Variants in SNRPN observed in about 807,000 individuals in gnomAD.
SNRPN encodes the protein small nuclear ribonucleoprotein polypeptide N, also known as small nuclear ribonucleoprotein-associated protein N.
Under a neutral mutation model 25.2 loss-of-function variants are expected in SNRPN, and 7 were observed. The observed-to-expected ratio is 0.28, with a 90% CI of 0.16 to 0.52. The LOEUF is 0.52. Among genes scored for constraint, SNRPN ranks in the 20% least tolerant of loss-of-function variants. The pLI is 0.96. For synonymous variants in SNRPN, 124 were observed against 110.6 expected, an observed-to-expected ratio of 1.12 and a Z score of -0.76; for missense variants, 196 against 322.5, an observed-to-expected ratio of 0.61 and a Z score of 3.00.
upstream of SNRPN, among the ~76,000 whole-genome samples, chr15:24,855,440 G>A (rs1022065925): frequency 5.3e-5 from 8 of 152,094 alleles, no homozygotes; most frequent in Admixed American, 3.3e-4. Flanking sequence ...CTTACATCAC[G>A]TGTTTTAGAA....
At chr15:24,825,588 T>C (rs569650490) in intron 1 of SNRPN, among the ~76,000 whole-genome samples, 3 of 152,166 alleles carry the variant, frequency 2.0e-5, no homozygotes, top group Middle Eastern at 3.4e-3. Context: ...AATTGAAATA[T>C]CATAAATTGA....
intron 2 of SNRPN, among the ~76,000 whole-genome samples, chr15:24,899,276 T>G (rs1359492550): frequency 2.0e-5 from 3 of 152,226 alleles, no homozygotes; most frequent in African/African-American, 7.2e-5. Context: ...GAAGATATGT[T>G]TTAATTTTTT....
chr15:24,894,375 C>T (rs545939364), intron 2 of SNRPN, among the ~76,000 whole-genome samples: 3 of 152,268 alleles, frequency 2.0e-5, no homozygotes, highest in East Asian at 1.9e-4. Flanking sequence ...CCCGCCACCA[C>T]GCCTGGCTAA....
At chr15:24,848,942 C>G (rs1380003911) in intron 2 of SNRPN, 7 of 151,960 alleles carry the variant, frequency 4.6e-5, no homozygotes, top group African/African-American at 7.3e-5. Flanking sequence ...GAGTCTCGCT[C>G]TGTCACCAGG....
At chr15:24,824,594 G>A (rs17772804) in intron 1 of SNRPN, among the ~76,000 whole-genome samples, 35,945 of 151,936 alleles carry the variant, frequency 0.24, 4,810 homozygotes, top group Non-Finnish European at 0.29. Context: ...CTTGTAGAAA[G>A]GGAATTACAA....
At chr15:24,827,651 G>A (rs1445104828) in intron 1 of SNRPN, among the ~76,000 whole-genome samples, 2 of 151,656 alleles carry the variant, frequency 1.3e-5, no homozygotes, top group Non-Finnish European at 2.9e-5. Context: ...GGAGGATCAC[G>A]AGGTCAGGAG....
rs2059749092 is a variant in SNRPN, at chr15:24,918,624, GTATATATAA to G, written c.-504-1386_-504-1378del. On this transcript the variant is annotated intron_variant, in intron 2 of 11. Coordinates refer to the SNRPN transcript ENST00000400097. ...TATATATAACATAATATATATGTGTGTATATATAACATAATATATATGTGTGCATATATA... is the reference window on the plus strand; with the variant it reads ...TATATATAACATAATATATATGTGTGCATAATATATATGTGTGCATATATA... Among the ~76,000 whole-genome samples the G allele has an allele frequency of 8.1e-5, 5 of 61,462 alleles. 1 individual carries two copies. Among genetic ancestry groups the G allele is most frequent in the South Asian group, 7.2e-4 (1 of 1,398 alleles). 40.3% of individuals were successfully genotyped at this position (61,462 alleles called of 152,430 possible). A position where few individuals can be genotyped will look rare whatever the true frequency, so the allele number is the denominator to read the frequency against.
rs539691446 is a variant in SNRPN at position 24,828,285 on chromosome 15, G to A, written c.-686-1513G>A. On this transcript the variant is annotated intron_variant, in intron 1 of 12. Coordinates refer to the SNRPN transcript ENST00000400100. Reference sequence around the variant, plus strand: ...AAACAGGCTGCATCATTGTCAGTGCGATTTGCACCTTCCCGTTGACATCCA... The same window carrying A: ...AAACAGGCTGCATCATTGTCAGTGCAATTTGCACCTTCCCGTTGACATCCA... Among the ~76,000 whole-genome samples the A allele has an allele frequency of 5.3e-5, 8 of 152,200 alleles. No individual in the cohort carries two copies. In the East Asian group the frequency reaches 5.8e-4, roughly 11 times the overall value.
Position 24,968,073 on chromosome 15 carries a change from C to A in SNRPN, c.-153C>A. 6.4e-7 allele frequency: 1 copy of A among 1,571,446 alleles called. No individual in the cohort carries two copies. Among genetic ancestry groups the A allele is most frequent in the East Asian group, 2.2e-5 (1 of 44,638 alleles). On this transcript the variant is annotated 5_prime_UTR_variant, in exon 3 of 10. Coordinates refer to ENST00000390687, the MANE Select transcript of SNRPN (RefSeq NM_003097.6). ...GAGTAGCGAGGAATCTGATTCCAAG[C>A]AAAAACCAGGTTAGAGCTAATGCAG...
At chr15:24,879,492 A>G (rs1292915333) in intron 1 of SNRPN, among the ~76,000 whole-genome samples, 3 of 152,156 alleles carry the variant, frequency 2.0e-5, no homozygotes, top group Non-Finnish European at 4.4e-5. Flanking sequence ...CAGAAAATAT[A>G]TGTGTGATGT....
In SNRPN at chr15:24,963,707, A is replaced by G. The variant is rs953456440; in HGVS notation, c.-295+1498A>G. On this transcript the variant is annotated intron_variant, in intron 2 of 9. Transcript: ENST00000390687. ...TTTTTCCTCATAGTAAAAACTGAGT[A>G]GTAGTTTGTGTGTCTTTTGTTATTT... Among the ~76,000 whole-genome samples, 10 of 151,962 alleles carry G rather than the reference A, an allele frequency of 6.6e-5. No homozygotes were observed. The East Asian group carries it at 1.7e-3, about 26-fold the overall frequency.
intron 2 of SNRPN, among the ~76,000 whole-genome samples, chr15:24,895,688 T>C (rs1250094986): frequency 1.3e-5 from 2 of 152,190 alleles, no homozygotes; most frequent in Non-Finnish European, 2.9e-5. Context: ...GTTCTGCCGT[T>C]ACAAAGGTAC....
At chr15:24,945,022 A>C (rs149710726) in intron 3 of SNRPN, among the ~76,000 whole-genome samples, 4 of 152,354 alleles carry the variant, frequency 2.6e-5, no homozygotes, top group African/African-American at 9.6e-5. Context: ...ATCTCAAAAC[A>C]TGCCATCGTG....
In SNRPN at chr15:24,873,227, G is replaced by A. The variant is rs2055385521; in HGVS notation, c.-578-13289G>A. Among the ~76,000 whole-genome samples, 2 of 121,430 alleles carry A rather than the reference G, an allele frequency of 1.6e-5. 1 individual carries two copies. Among genetic ancestry groups the A allele is most frequent in the Non-Finnish European group, 3.6e-5 (2 of 55,730 alleles). 79.7% of individuals were successfully genotyped at this position (121,430 alleles called of 152,430 possible). ...ACGACATCACTCTGCTGGACAGCAA[G>A]AGGGTGTGTTCAGGAACCATACCTA... On this transcript the variant is annotated intron_variant, in intron 1 of 11. Transcript: ENST00000400097.
intron 2 of SNRPN, among the ~76,000 whole-genome samples, chr15:24,846,083 T>G (rs1393327819): frequency 7.9e-6 from 1 of 126,502 alleles, no homozygotes; most frequent in African/African-American, 2.9e-5. Context: ...AGACTCCGTC[T>G]CAAAAAAAAA....
chr15:24,961,696 T>C (rs1294474833), intron 1 of SNRPN, among the ~76,000 whole-genome samples: 1 of 152,206 alleles, frequency 6.6e-6, no homozygotes, highest in Non-Finnish European at 1.5e-5. Context: ...TTCCACTATA[T>C]AAGTATGTCT....
intron 2 of SNRPN, among the ~76,000 whole-genome samples, chr15:24,842,272 C>A (rs2051774433): frequency 1.3e-5 from 2 of 152,164 alleles, no homozygotes; most frequent in South Asian, 4.1e-4. Flanking sequence ...ACTATACCAG[C>A]CATCAGGAAT....
chr15:24,892,032 A>G (rs1368868796), intron 2 of SNRPN, among the ~76,000 whole-genome samples: 1 of 150,350 alleles, frequency 6.7e-6, no homozygotes, highest in African/African-American at 2.5e-5. Flanking sequence ...CTTTTTACCA[A>G]TATTCATGGA....
chr15:24,938,174 G>T (rs1034135915), intron 3 of SNRPN, among the ~76,000 whole-genome samples: 1 of 148,770 alleles, frequency 6.7e-6, no homozygotes, highest in Non-Finnish European at 1.5e-5. Context: ...CCAGTGCCAC[G>T]CCATGATCTC....
Sources: gnomAD v4.1 joint callset for allele counts (sites outside exome capture counted in the v4.1 genomes callset) on GRCh38, gnomAD v4.1.1 for gene constraint, MANE v1.5 for transcripts, NCBI Gene and HGNC (gene_info 2026-07-23, HGNC 2026-07-21) for gene names.